The following PRKCZ variants were observed in gnomAD, a reference collection of about 807,000 sequenced individuals.
PRKCZ encodes protein kinase C zeta type.
A neutral mutation model predicts 79.5 loss-of-function variants in PRKCZ; 33 were observed. The ratio of observed to expected loss-of-function variants is 0.41; its 90% CI spans 0.31 to 0.55. PRKCZ has a LOEUF of 0.55. Ranked by LOEUF, PRKCZ falls within the 20% of genes least tolerant of loss-of-function variation. The pLI, the probability that PRKCZ is intolerant of heterozygous loss-of-function variation, is 0.19. For synonymous variants in PRKCZ, 342 were observed against 320.9 expected (o/e 1.07, Z -0.70); for missense variants, 578 against 813.5 (o/e 0.71, Z 3.52).
chr1:2,144,590 A>T, intron 6 of PRKCZ: 1 of 1,358,492 alleles, frequency 7.4e-7, no homozygotes, highest in Non-Finnish European at 9.5e-7. Context: ...CTCAGGTAGG[A>T]CGTGGTACGC....
chr1:2,171,218 C>T (rs1684361088), intron 11 of PRKCZ, among the ~76,000 whole-genome samples: 2 of 151,286 alleles, frequency 1.3e-5, no homozygotes, highest in Non-Finnish European at 2.9e-5. Flanking sequence ...TGGCGGGCGC[C>T]TGTAGTCCTA....
chr1:2,148,959 C>T (rs1400054565), intron 8 of PRKCZ, 35 bp downstream of exon 8: 6 of 1,601,048 alleles, frequency 3.7e-6, no homozygotes, highest in Middle Eastern at 1.7e-4. Flanking sequence ...CCATTTCCGA[C>T]GTCCTCTGGA....
In PRKCZ at chr1:2,165,820, G is replaced by GA. The variant is rs968807704; in HGVS notation, c.975-3696dup. 1.3e-5 allele frequency among the ~76,000 whole-genome samples: 2 copies of GA among 152,152 alleles called. No individual in the cohort carries two copies. The highest frequency in any genetic ancestry group is 2.4e-5 in the African/African-American group (1 of 41,446). On this transcript the variant is annotated intron_variant, in intron 10 of 17. Coordinates refer to ENST00000378567, the MANE Select transcript of PRKCZ (RefSeq NM_002744.6). The surrounding 1 kb of genome is among the most constrained non-coding windows in gnomAD (Gnocchi z 4.1). ...CTGAGCCGGGCACCTTGCATTCCTG[G>GA]AAGGGGTGGGGGGAGTGGCGAGGAG...
Position 2,108,271 on chromosome 1 carries a change from C to T in PRKCZ, c.335-26991C>T, listed in dbSNP as rs1053539197. 1.8e-4 allele frequency among the ~76,000 whole-genome samples: 27 copies of T among 152,358 alleles called. 1 individual carries two copies. The highest frequency in any genetic ancestry group is 6.8e-3 in the Middle Eastern group (2 of 294). On this transcript the variant is annotated intron_variant, in intron 4 of 17. Transcript: ENST00000378567. Reference sequence around the variant, plus strand: ...GAACCCCGGCCTCTTCGCCCCTGCCCGCTCACCTGTTCTGTCCTGCTCACC... The same window carrying T: ...GAACCCCGGCCTCTTCGCCCCTGCCTGCTCACCTGTTCTGTCCTGCTCACC...
At position 2,178,336 on chromosome 1, in the gene PRKCZ, G is replaced by A. The variant is rs940765448; in HGVS notation, c.1575+3023G>A. On this transcript the variant is annotated intron_variant, in intron 16 of 17. Transcript: ENST00000378567. The surrounding 1 kb of genome is among the most constrained non-coding windows in gnomAD (Gnocchi z 4.3). ...CCTCCCCTCAGCATTGTCTCCACAA[G>A]CTGCACCCACACAGTAGCACGTGGC... Among the ~76,000 whole-genome samples, 1 of 152,212 alleles carries A rather than the reference G, an allele frequency of 6.6e-6. No homozygotes were observed. The highest frequency in any genetic ancestry group is 2.4e-5 in the African/African-American group (1 of 41,452).
rs562018257 is a variant in PRKCZ at position 2,114,777 on chromosome 1, AAAAAAG to A, written c.335-20466_335-20461del. On this transcript the variant is annotated intron_variant, in intron 4 of 17. Transcript: ENST00000378567. ...GACAGAGCGAGACTCCGTCTCAAAA[AAAAAAG>A]AAAAAGAAAAAGAAAAAGCTAAGAT... 7.0e-4 allele frequency among the ~76,000 whole-genome samples: 107 copies of A among 152,338 alleles called. 1 individual carries two copies. Among genetic ancestry groups the A allele is most frequent in the East Asian group, 4.6e-3 (24 of 5,186 alleles).
chr1:2,059,885 C>G (rs1557477155), intron 4 of PRKCZ, among the ~76,000 whole-genome samples: 4 of 152,186 alleles, frequency 2.6e-5, no homozygotes, highest in Admixed American at 2.0e-4. Flanking sequence ...AGGCTGGACA[C>G]TGCTCCTTTG....
intron 4 of PRKCZ, chr1:2,071,187 C>A: frequency 4.0e-6 from 1 of 250,386 alleles, no homozygotes; most frequent in Non-Finnish European, 8.3e-6. Flanking sequence ...TGCCCCGTGC[C>A]TCAGTTTCCT....
chr1:2,147,258 C>T (rs995395200), intron 7 of PRKCZ, among the ~76,000 whole-genome samples: 11 of 150,940 alleles, frequency 7.3e-5, no homozygotes, highest in African/African-American at 2.5e-4. Flanking sequence ...TCCATCTATC[C>T]ATCTGTCTGT....
chr1:2,157,346 A>G (rs931082632), intron 10 of PRKCZ, among the ~76,000 whole-genome samples: 1 of 152,030 alleles, frequency 6.6e-6, no homozygotes, highest in African/African-American at 2.4e-5. Flanking sequence ...TCACGAGCAT[A>G]AGGCATCCTG....
chr1:2,115,394 C>T (rs1557597855), intron 4 of PRKCZ, among the ~76,000 whole-genome samples: 2 of 152,254 alleles, frequency 1.3e-5, no homozygotes, highest in African/African-American at 4.8e-5. Context: ...TTCCGGGAAA[C>T]AGACGTTTCC....
chr1:2,075,676 G>A lies in PRKCZ; in HGVS notation c.334+16085G>A, dbSNP rs924922721. Among the ~76,000 whole-genome samples the A allele has an allele frequency of 6.6e-6, 1 of 152,218 alleles. No homozygotes were observed. Among genetic ancestry groups the A allele is most frequent in the Non-Finnish European group, 1.5e-5 (1 of 68,040 alleles). On this transcript the variant is annotated intron_variant, in intron 4 of 17. Transcript: ENST00000378567. This position sits in a 1 kb window ranked among gnomAD's most constrained non-coding sequence, Gnocchi z 4.8. ...TCACCTCTGGGCTCCGGGCTCTGCT[G>A]CGATGTTTCCGAGGCTCCCAGTTAA...
At chr1:2,081,343 A>C (rs1663470633) in intron 4 of PRKCZ, among the ~76,000 whole-genome samples, 1 of 146,388 alleles carries the variant, frequency 6.8e-6, no homozygotes. Flanking sequence ...CGATGAGGCC[A>C]GACACTGGGT....
At chr1:2,095,704 C>T (rs1666341165) in intron 4 of PRKCZ, among the ~76,000 whole-genome samples, 1 of 150,064 alleles carries the variant, frequency 6.7e-6, no homozygotes. Flanking sequence ...CCACAGCTCC[C>T]CTCCCCTCCC....
At chr1:2,100,295 G>A (rs1278518485) in intron 4 of PRKCZ, among the ~76,000 whole-genome samples, 1 of 152,226 alleles carries the variant, frequency 6.6e-6, no homozygotes, top group Non-Finnish European at 1.5e-5. Context: ...TGTGGTAACC[G>A]AGAATTCCTT....
At position 2,168,056 on chromosome 1, in the gene PRKCZ, C is replaced by T. The variant is rs147929296; in HGVS notation, c.975-1462C>T. On this transcript the variant is annotated intron_variant, in intron 10 of 17. Coordinates refer to ENST00000378567, the MANE Select transcript of PRKCZ (RefSeq NM_002744.6). The surrounding 1 kb of genome is among the most constrained non-coding windows in gnomAD (Gnocchi z 4.7). ...AGTCCCTCCACGGGTGCACTGAGGA[C>T]GTTCCTGCACATCGAGGGCACCCTC... Among the ~76,000 whole-genome samples the T allele has an allele frequency of 3.7e-3, 560 of 152,272 alleles. 1 individual carries two copies. Among genetic ancestry groups the T allele is most frequent in the Non-Finnish European group, 6.9e-3 (471 of 68,014 alleles).
chr1:2,081,531 G>A (rs1241000662), intron 4 of PRKCZ, among the ~76,000 whole-genome samples: 1 of 152,238 alleles, frequency 6.6e-6, no homozygotes, highest in African/African-American at 2.4e-5. Flanking sequence ...GGTGTGGGGT[G>A]TGGGCCCTGG....
At chr1:2,074,287 A>G (rs1160722918) in intron 4 of PRKCZ, 2 of 1,549,152 alleles carry the variant, frequency 1.3e-6, no homozygotes, top group Non-Finnish European at 1.7e-6. Flanking sequence ...TGTGTGGCCC[A>G]GGCCTGGTGG....
At chr1:2,180,477 G>A (rs1411548722) in intron 16 of PRKCZ, among the ~76,000 whole-genome samples, 1 of 150,448 alleles carries the variant, frequency 6.6e-6, no homozygotes, top group African/African-American at 2.5e-5. Context: ...CCCAGACGAC[G>A]CGGACGCACA....
Sources: allele counts gnomAD v4.1 joint callset (sites outside exome capture counted in the v4.1 genomes callset), GRCh38; gene constraint gnomAD v4.1.1; non-coding constraint Gnocchi (gnomAD v3.1); transcripts MANE v1.5; gene names NCBI Gene and HGNC (gene_info 2026-07-23, HGNC 2026-07-21).